The following ECPAS variants were observed in gnomAD, a reference collection of about 807,000 sequenced individuals.
ECPAS encodes Ecm29 proteasome adaptor and scaffold, also known as proteasome adapter and scaffold protein ECM29.
A neutral mutation model predicts 255.1 loss-of-function variants in ECPAS; 70 were observed. The ratio of observed to expected loss-of-function variants is 0.27; its 90% CI spans 0.23 to 0.33. ECPAS has a LOEUF of 0.33. Ranked by LOEUF, ECPAS falls within the 10% of genes least tolerant of loss-of-function variation. The pLI is 1.00. For synonymous variants in ECPAS, 784 were observed against 775.0 expected, an observed-to-expected ratio of 1.01 and a Z score of -0.19; for missense variants, 1,817 against 2,206.4, an observed-to-expected ratio of 0.82 and a Z score of 3.54.
chr9:111,442,250 G>T, intron 5 of ECPAS, 56 bp downstream of exon 5: 1 of 1,117,216 alleles, frequency 9.0e-7, no homozygotes, highest in South Asian at 1.4e-5. Context: ...ATTAATATTT[G>T]AAAGGCAGTT....
At chr9:111,473,114 G>A (rs1377894185) in intron 1 of ECPAS, 114 bp from the exon 2 acceptor site, 1 of 200,182 alleles carries the variant, frequency 5.0e-6, no homozygotes, top group Non-Finnish European at 9.2e-6. Flanking sequence ...GCCCTGCTTT[G>A]CAAATTCAGT....
intron 31 of ECPAS, among the ~76,000 whole-genome samples, chr9:111,388,482 A>G (rs374693134): frequency 1.3e-5 from 2 of 151,598 alleles, no homozygotes; most frequent in East Asian, 3.9e-4. Flanking sequence ...AGTACCAGAC[A>G]GGAGAGACAG....
At chr9:111,435,791 C>T (rs1464605665) in intron 7 of ECPAS, among the ~76,000 whole-genome samples, 5 of 151,204 alleles carry the variant, frequency 3.3e-5, no homozygotes, top group Admixed American at 2.6e-4. Context: ...GCCATTCTCC[C>T]ACCTCAGCCT....
intron 26 of ECPAS, 135 bp downstream of exon 26, chr9:111,394,025 C>A: frequency 1.1e-6 from 1 of 908,674 alleles, no homozygotes; most frequent in South Asian, 2.1e-5. Context: ...ATCAGGCCAC[C>A]ATCCTTCATT....
chr9:111,418,097 G>A (rs1182394576), intron 16 of ECPAS, 91 bp from the exon 17 acceptor site: 4 of 1,189,816 alleles, frequency 3.4e-6, no homozygotes, highest in Non-Finnish European at 4.6e-6. Context: ...TTATTTGGCA[G>A]CTAGAGTTCT....
At chr9:111,481,827 C>G (rs189783890) in intron 1 of ECPAS, among the ~76,000 whole-genome samples, 2 of 152,284 alleles carry the variant, frequency 1.3e-5, no homozygotes, top group African/African-American at 4.8e-5. Flanking sequence ...GGACATTATG[C>G]TAAATAAAGA....
chr9:111,381,314 T>A (rs933698501), intron 35 of ECPAS, among the ~76,000 whole-genome samples: 2 of 152,138 alleles, frequency 1.3e-5, no homozygotes, highest in Non-Finnish European at 1.5e-5. Flanking sequence ...GAACAGCTGT[T>A]CAGTGGAGCA....
chr9:111,479,299 T>TA (rs1241405491), intron 1 of ECPAS, among the ~76,000 whole-genome samples: 1 of 152,106 alleles, frequency 6.6e-6, no homozygotes, highest in Non-Finnish European at 1.5e-5. Flanking sequence ...ACTGTACACT[T>TA]AAAAACTGTT....
intron 1 of ECPAS, chr9:111,483,902 C>G (rs2098311084): frequency 1.6e-6 from 1 of 621,756 alleles, no homozygotes; most frequent in South Asian, 6.6e-5. Flanking sequence ...TTAGAAAGAG[C>G]TGAGCCATCC....
chr9:111,400,692 T>C (rs563394289), intron 24 of ECPAS, among the ~76,000 whole-genome samples: 7 of 152,116 alleles, frequency 4.6e-5, no homozygotes, highest in Non-Finnish European at 1.0e-4. Flanking sequence ...AAGAAAGAAT[T>C]AGTGAGCTCT....
At chr9:111,407,890 T>C (rs2098187604) in intron 24 of ECPAS, among the ~76,000 whole-genome samples, 1 of 152,198 alleles carries the variant, frequency 6.6e-6, no homozygotes, top group Non-Finnish European at 1.5e-5. Flanking sequence ...GGTGGGCCAT[T>C]AGAAACTGTG....
chr9:111,376,625 C>T, intron 36 of ECPAS, 84 bp from the exon 37 acceptor site: 1 of 994,774 alleles, frequency 1.0e-6, no homozygotes, highest in Non-Finnish European at 1.6e-6. Context: ...ACTTTCACTT[C>T]CAAGCTAAAG....
chr9:111,380,644 A>G (rs1215429417), intron 35 of ECPAS, among the ~76,000 whole-genome samples: 1 of 152,214 alleles, frequency 6.6e-6, no homozygotes, highest in Non-Finnish European at 1.5e-5. Context: ...CCTACATGGT[A>G]TCTTTTGCCA....
intron 7 of ECPAS, among the ~76,000 whole-genome samples, chr9:111,433,645 C>T (rs2098233397): frequency 1.3e-5 from 2 of 152,114 alleles, no homozygotes; most frequent in Admixed American, 6.5e-5. Context: ...CACTGGTAAA[C>T]GACGATGGCA....
chr9:111,455,159 G>T (rs1254858188), intron 2 of ECPAS, among the ~76,000 whole-genome samples: 1 of 152,058 alleles, frequency 6.6e-6, no homozygotes, highest in Non-Finnish European at 1.5e-5. Context: ...GCAGAGAAGA[G>T]TTTACACAGA....
chr9:111,370,532 T>C lies in ECPAS; in HGVS notation c.4877A>G (p.Lys1626Arg), dbSNP rs1320084648. 4 of 1,611,338 alleles carry C rather than the reference T, an allele frequency of 2.5e-6. No homozygotes were observed. The Admixed American group carries it at 5.0e-5, about 20-fold the overall frequency. Reference protein sequence around the residue: ...KECSKENVKYKIVAISCAADI... With the variant: ...KECSKENVKYRIVAISCAADI... Reference sequence around the variant, plus strand: ...AGCTGCACAGCTGATTGCTACAATCTTGTATTTGACATTCTCTTTGCTACA... The same window carrying C: ...AGCTGCACAGCTGATTGCTACAATCCTGTATTTGACATTCTCTTTGCTACA... Residue 1626 changes from lysine to arginine, a missense_variant, in exon 45 of 50, where the codon AAG becomes AGG. Coordinates refer to ENST00000684092, the MANE Select transcript of ECPAS (RefSeq NM_001364929.1).
intron 24 of ECPAS, among the ~76,000 whole-genome samples, chr9:111,398,920 G>A (rs1757611987): frequency 6.6e-6 from 1 of 151,964 alleles, no homozygotes; most frequent in African/African-American, 2.4e-5. Context: ...CTGGGCAACA[G>A]AGTGAGACTC....
chr9:111,468,914 T>G (rs2098282868), intron 2 of ECPAS, among the ~76,000 whole-genome samples: 1 of 152,262 alleles, frequency 6.6e-6, no homozygotes, highest in Admixed American at 6.5e-5. Context: ...AGATTTTGTG[T>G]GTAATACTAG....
rs776886969 is a variant in ECPAS at position 111,362,195 on chromosome 9, C to A, written c.5381-26G>T. ...CTGCATGAAAAAAAAAAAACAAAAA[C>A]AAAAAAAACAAAAAACAAAGCAAAA... On this transcript the variant is annotated intron_variant, in intron 49 of 49. Transcript: ENST00000684092. 911 of 1,453,902 alleles carry A rather than the reference C, an allele frequency of 6.3e-4. No homozygotes were observed. Among genetic ancestry groups the A allele is most frequent in the Non-Finnish European group, 6.9e-4 (753 of 1,093,902 alleles). The allele number at this position is 1,453,902 out of a possible 1,614,324, so 90.1% of individuals were successfully genotyped here.
Sources: gnomAD v4.1 joint callset for allele counts (sites outside exome capture counted in the v4.1 genomes callset) on GRCh38, gnomAD v4.1.1 for gene constraint, MANE v1.5 for transcripts, NCBI Gene and HGNC (gene_info 2026-07-23, HGNC 2026-07-21) for gene names.